SMC2: variants seen among roughly 807,000 people sequenced by gnomAD.
SMC2 encodes the protein structural maintenance of chromosomes 2.
In SMC2, 41 loss-of-function variants were observed where a neutral mutation model predicts 142.6. The observed-to-expected ratio is 0.29, with a 90% CI of 0.22 to 0.37. The LOEUF is 0.37. Ranked by LOEUF, SMC2 falls within the 10% of genes least tolerant of loss-of-function variation. The pLI is 1.00. For synonymous variants in SMC2, 463 were observed against 457.5 expected, an observed-to-expected ratio of 1.01 and a Z score of -0.15; for missense variants, 1,265 against 1,373.7, an observed-to-expected ratio of 0.92 and a Z score of 1.25.
intron 14 of SMC2, 107 bp downstream of exon 14, chr9:104,116,426 T>C (rs2131417681): frequency 9.1e-7 from 1 of 1,095,112 alleles, no homozygotes; most frequent in South Asian, 1.7e-5. Flanking sequence ...ACCACAAAAT[T>C]AAAATACAAA....
intron 13 of SMC2, among the ~76,000 whole-genome samples, chr9:104,115,087 A>G (rs1564091012): frequency 6.6e-6 from 1 of 152,116 alleles, no homozygotes; most frequent in Non-Finnish European, 1.5e-5. Flanking sequence ...AATTTGTAAA[A>G]TAATCTGGGA....
chr9:104,120,080 G>C lies in SMC2; in HGVS notation c.2050G>C (p.Val684Leu). The change falls in exon 16 of 25, where the codon GTT (valine) becomes CTT (leucine). Residue 684 changes from valine to leucine, a missense_variant. This residue lies in a region of SMC2 where 898 missense variants were observed against 904.2 expected (regional missense o/e 0.99). Coordinates refer to ENST00000374793, the MANE Select transcript of SMC2 (RefSeq NM_006444.3). ...AACCAAGTTTCAAGAACTCAAAGAT[G>C]TTCAGGATGAACTGAGAATCAAAGA... is the stretch of plus-strand genomic sequence containing the variant. ...ILTKFQELKD[V>L]QDELRIKENE... The C allele has an allele frequency of 6.2e-7, 1 of 1,613,992 alleles. No homozygotes were observed. Among genetic ancestry groups the C allele is most frequent in the Non-Finnish European group, 8.5e-7 (1 of 1,179,932 alleles).
At chr9:104,133,971 C>T (rs533331642) in intron 22 of SMC2, among the ~76,000 whole-genome samples, 1 of 152,000 alleles carries the variant, frequency 6.6e-6, no homozygotes, top group Non-Finnish European at 1.5e-5. Flanking sequence ...TCCAAAAATA[C>T]TTGTGTTTTT....
intron 9 of SMC2, among the ~76,000 whole-genome samples, chr9:104,106,031 A>G (rs1377800264): frequency 2.0e-5 from 3 of 152,146 alleles, no homozygotes; most frequent in South Asian, 4.1e-4. Flanking sequence ...CCTTTGTGCT[A>G]AAGTACAGTG....
At chr9:104,134,692 AAT>A (rs1281434447) in intron 23 of SMC2, 117 bp downstream of exon 23, 20 of 642,942 alleles carry the variant, frequency 3.1e-5, no homozygotes, top group African/African-American at 2.7e-4. Flanking sequence ...TAAGGAGTCT[AAT>A]ATATAAGACT....
intron 3 of SMC2, 23 bp downstream of exon 3, chr9:104,096,320 G>C: frequency 6.2e-7 from 1 of 1,611,162 alleles, no homozygotes; most frequent in Non-Finnish European, 8.5e-7. Context: ...TAAACCTTTG[G>C]GTATCTTAAG....
chr9:104,097,508 G>GAA (rs59646608), intron 3 of SMC2, among the ~76,000 whole-genome samples: 14,867 of 121,578 alleles, frequency 0.12, 990 homozygotes, highest in Non-Finnish European at 0.15. Context: ...GCCTCTGGTT[G>GAA]AAAAAAAAAA....
chr9:104,093,206 G>C (rs1007975646), upstream of SMC2: 3 of 152,008 alleles, frequency 2.0e-5, no homozygotes, highest in Admixed American at 2.0e-4. Context: ...CCTCACTTAG[G>C]GTAACACCAT....
upstream of SMC2, among the ~76,000 whole-genome samples, chr9:104,091,256 C>A (rs541551366): frequency 2.7e-3 from 408 of 152,260 alleles, 1 homozygote; most frequent in African/African-American, 9.3e-3. Flanking sequence ...CATATTATAG[C>A]CTTATGATTC....
At chr9:104,100,802 A>G (rs547582320) in intron 7 of SMC2, among the ~76,000 whole-genome samples, 1 of 152,350 alleles carries the variant, frequency 6.6e-6, no homozygotes, top group African/African-American at 2.4e-5. Context: ...AACAGGGGCT[A>G]TCACTATAAT....
chr9:104,127,014 T>A (rs1369887767), intron 19 of SMC2, among the ~76,000 whole-genome samples: 1 of 150,356 alleles, frequency 6.7e-6, no homozygotes, highest in African/African-American at 2.5e-5. Context: ...CTACATTACA[T>A]CTAACAAAAA....
rs554183633 is a variant in SMC2 at position 104,139,002 on chromosome 9, A to G, written c.3418-137A>G. ...GACTTCTAAAACAATATGGACAGCT[A>G]GCATTCATTTAGGTGCCTCATATAA... On this transcript the variant is annotated intron_variant, in intron 24 of 24. Transcript: ENST00000374793. The G allele has an allele frequency of 7.0e-5, 34 of 486,212 alleles. 1 individual carries two copies. Among genetic ancestry groups the G allele is most frequent in the African/African-American group, 5.3e-4 (26 of 49,178 alleles). 30.1% of individuals were successfully genotyped at this position (486,212 alleles called of 1,614,324 possible).
intron 17 of SMC2, 106 bp downstream of exon 17, chr9:104,123,338 G>C (rs533113972): frequency 2.8e-6 from 3 of 1,085,400 alleles, no homozygotes; most frequent in Admixed American, 3.0e-5. Context: ...ATATGATAAA[G>C]TTTATTTAGG....
chr9:104,115,847 A>G (rs369136363), intron 13 of SMC2, among the ~76,000 whole-genome samples: 5 of 151,902 alleles, frequency 3.3e-5, no homozygotes, highest in Middle Eastern at 6.8e-3. Flanking sequence ...CCTATGACCT[A>G]CTTCTACCCA....
intron 6 of SMC2, 92 bp from the exon 7 acceptor site, chr9:104,100,297 C>G (rs533445493): frequency 1.4e-6 from 2 of 1,386,042 alleles, no homozygotes; most frequent in East Asian, 2.3e-5. Flanking sequence ...TTCCTTGGTT[C>G]AGTTTTCCAT....
chr9:104,106,896 T>TA (rs111804817), intron 9 of SMC2, among the ~76,000 whole-genome samples: 8,609 of 152,192 alleles, frequency 0.057, 651 homozygotes, highest in African/African-American at 0.18. Flanking sequence ...GATGACCACT[T>TA]ACTGGCATGA....
intron 13 of SMC2, 45 bp from the exon 14 acceptor site, chr9:104,116,155 T>C: frequency 6.5e-7 from 1 of 1,538,952 alleles, no homozygotes; most frequent in Non-Finnish European, 8.7e-7. Context: ...CTCAATTTTC[T>C]GTCATTTTTA....
chr9:104,115,512 TTGCGGTAAGC>T (rs201551877), intron 13 of SMC2, among the ~76,000 whole-genome samples: 8,533 of 151,806 alleles, frequency 0.056, 645 homozygotes, highest in African/African-American at 0.18. Flanking sequence ...GAAGTGGAGG[TTGCGGTAAGC>T]TGCGGTAAGC....
At chr9:104,090,616 T>G (rs565396936), upstream of SMC2, among the ~76,000 whole-genome samples, 11 of 152,266 alleles carry the variant, frequency 7.2e-5, no homozygotes, top group African/African-American at 2.6e-4. Flanking sequence ...AACTGAGAAA[T>G]TATCATTTGA....
Sources: gnomAD v4.1 joint callset for allele counts (sites outside exome capture counted in the v4.1 genomes callset) on GRCh38, gnomAD v4.1.1 for gene constraint, gnomAD v4.1.1 regional missense constraint, MANE v1.5 for transcripts, NCBI Gene and HGNC (gene_info 2026-07-23, HGNC 2026-07-21) for gene names.